FARP1: variants seen among roughly 807,000 people sequenced by gnomAD.
FARP1 encodes the protein FERM, ARHGEF and pleckstrin domain-containing protein 1.
In FARP1, 52 loss-of-function variants were observed where a neutral mutation model predicts 128.8. The observed-to-expected ratio is 0.40, with a 90% CI of 0.32 to 0.51. The LOEUF (loss-of-function observed/expected upper bound fraction) is 0.51. FARP1 is among the 20% of genes least tolerant of loss of function. FARP1 has a pLI of 0.45. For missense variants in FARP1, 1,333 were observed against 1,367.9 expected, an observed-to-expected ratio of 0.97 and a Z score of 0.40; for synonymous variants, 580 against 551.8, an observed-to-expected ratio of 1.05 and a Z score of -0.72.
chr13:98,146,621 T>C (rs1426520959), intron 1 of FARP1, among the ~76,000 whole-genome samples: 3 of 152,244 alleles, frequency 2.0e-5, no homozygotes, highest in Non-Finnish European at 4.4e-5. Context: ...TTAGTGTTTT[T>C]GAGAAATGCA....
intron 2 of FARP1, chr13:98,244,654 C>T: frequency 1.2e-6 from 2 of 1,614,236 alleles, no homozygotes; most frequent in Non-Finnish European, 1.7e-6. Flanking sequence ...ACAAACTGGG[C>T]TGGAAGTAGA....
At chr13:98,431,623 G>A (rs576280080) in intron 18 of FARP1, 114 of 178,388 alleles carry the variant, frequency 6.4e-4, no homozygotes, top group African/African-American at 2.6e-3. Flanking sequence ...CACCACGCCC[G>A]GCTAATTTTT....
chr13:98,212,102 C>G (rs546047201), intron 1 of FARP1, among the ~76,000 whole-genome samples: 17 of 152,338 alleles, frequency 1.1e-4, no homozygotes, highest in African/African-American at 4.1e-4. Context: ...GTCCCCCAGG[C>G]TGGAGTGCAG....
At chr13:98,202,324 T>A (rs1880004784) in intron 1 of FARP1, among the ~76,000 whole-genome samples, 1 of 152,206 alleles carries the variant, frequency 6.6e-6, no homozygotes, top group Non-Finnish European at 1.5e-5. Flanking sequence ...GTCTGACACT[T>A]GATTTTTTGC....
At chr13:98,393,422 A>G (rs762643856) in intron 11 of FARP1, among the ~76,000 whole-genome samples, 16 of 152,198 alleles carry the variant, frequency 1.1e-4, no homozygotes, top group Non-Finnish European at 2.2e-4. Flanking sequence ...AGGGCTTCTG[A>G]GAATTTCTCC....
intron 19 of FARP1, chr13:98,435,943 G>A (rs1273356144): frequency 3.4e-6 from 2 of 589,108 alleles, no homozygotes; most frequent in Non-Finnish European, 6.6e-6. Context: ...GGGGTGATTC[G>A]CTTCTTTACC....
chr13:98,207,116 T>C (rs909385252), intron 1 of FARP1, among the ~76,000 whole-genome samples: 20 of 152,202 alleles, frequency 1.3e-4, no homozygotes, highest in African/African-American at 4.8e-4. Flanking sequence ...CTTAGGATGC[T>C]CAACTCAAAA....
chr13:98,373,233 G>A (rs2139994539), intron 5 of FARP1, among the ~76,000 whole-genome samples: 1 of 152,246 alleles, frequency 6.6e-6, no homozygotes, highest in Admixed American at 6.5e-5. Context: ...GACTGCCCAT[G>A]CGTTTGTCCC....
intron 1 of FARP1, among the ~76,000 whole-genome samples, chr13:98,169,684 C>A (rs1877515465): frequency 6.6e-6 from 1 of 152,204 alleles, no homozygotes; most frequent in Non-Finnish European, 1.5e-5. Context: ...GCTCCGTTGT[C>A]TTCTAACATA....
rs1432268524 is a variant in FARP1, at chr13:98,451,631, TC to T, written c.*3318del. On this transcript the variant is annotated 3_prime_UTR_variant, in exon 27 of 27. Coordinates refer to ENST00000319562, the MANE Select transcript of FARP1 (RefSeq NM_005766.4). Reference sequence around the variant, plus strand: ...TAGACCAGCAGATAGCTGAGCTACATCCCCAAGCTCACCCACTAACTTCCTT... The same window carrying T: ...TAGACCAGCAGATAGCTGAGCTACATCCCAAGCTCACCCACTAACTTCCTT... 1.3e-5 allele frequency: 2 copies of T among 152,260 alleles called. No homozygotes were observed. Among genetic ancestry groups the T allele is most frequent in the African/African-American group, 4.8e-5 (2 of 41,538 alleles). The allele number at this position is 152,260 out of a possible 1,614,324, so 9.4% of individuals were successfully genotyped here. A position where few individuals can be genotyped will look rare whatever the true frequency, so the allele number is the denominator to read the frequency against.
chr13:98,144,340 G>A (rs1471517353), intron 1 of FARP1, among the ~76,000 whole-genome samples: 1 of 152,158 alleles, frequency 6.6e-6, no homozygotes, highest in Non-Finnish European at 1.5e-5. Context: ...AAAGGAGGGA[G>A]CTGAGGCTCA....
Position 98,291,468 on chromosome 13 carries a change from T to G in FARP1, c.172-52294T>G, listed in dbSNP as rs186474492. Among the ~76,000 whole-genome samples the G allele has an allele frequency of 1.4e-3, 212 of 152,240 alleles. 1 individual carries two copies. The highest frequency in any genetic ancestry group is 5.0e-3 in the African/African-American group (207 of 41,534). ...CGTTCAGAGGCCAAATGTATTTGGG[T>G]CTGTGAAACTGGCCTTTGCTTTCCA... On this transcript the variant is annotated intron_variant, in intron 2 of 26. Transcript: ENST00000319562.
chr13:98,197,759 C>G (rs1395531257), intron 1 of FARP1, among the ~76,000 whole-genome samples: 1 of 151,874 alleles, frequency 6.6e-6, no homozygotes, highest in East Asian at 2.0e-4. Flanking sequence ...CTCAGCCTCC[C>G]GAGTAGCTGG....
At chr13:98,174,115 C>G (rs74961544) in intron 1 of FARP1, among the ~76,000 whole-genome samples, 1 of 152,150 alleles carries the variant, frequency 6.6e-6, no homozygotes, top group Non-Finnish European at 1.5e-5. Context: ...GGCCAAAATG[C>G]TAGCAGATTT....
intron 2 of FARP1, among the ~76,000 whole-genome samples, chr13:98,324,014 G>A (rs1887120565): frequency 6.6e-6 from 1 of 152,166 alleles, no homozygotes; most frequent in Non-Finnish European, 1.5e-5. Flanking sequence ...CTATGTCTGA[G>A]GAGTTGCACA....
chr13:98,159,766 C>T (rs1474527321), intron 1 of FARP1, among the ~76,000 whole-genome samples: 2 of 152,098 alleles, frequency 1.3e-5, no homozygotes, highest in South Asian at 2.1e-4. Context: ...CCTCTGCGCC[C>T]AGCCTACTTG....
In FARP1 at chr13:98,176,691, A is replaced by G. The variant is rs1264055028; in HGVS notation, c.-24+33199A>G. ...AATCCCAGCGCACAGTGGCGCGCAG[A>G]TGCCCTGGCGCACGTATGGGGCCCT... On this transcript the variant is annotated intron_variant, in intron 1 of 26. Coordinates refer to ENST00000319562, the MANE Select transcript of FARP1 (RefSeq NM_005766.4). The surrounding 1 kb of genome is among the most constrained non-coding windows in gnomAD (Gnocchi z 6.2). The G allele has an allele frequency of 3.7e-6, 6 of 1,614,210 alleles. 1 individual carries two copies. Among genetic ancestry groups the G allele is most frequent in the Middle Eastern group, 3.3e-4 (2 of 6,062 alleles).
intron 2 of FARP1, among the ~76,000 whole-genome samples, chr13:98,222,540 T>C (rs1247511365): frequency 6.6e-6 from 1 of 152,020 alleles, no homozygotes; most frequent in African/African-American, 2.4e-5. Context: ...ACTTTGTTAA[T>C]GGTCTGGGGC....
At chr13:98,144,874 A>AT (rs1378149198) in intron 1 of FARP1, among the ~76,000 whole-genome samples, 1 of 152,102 alleles carries the variant, frequency 6.6e-6, no homozygotes, top group Non-Finnish European at 1.5e-5. Context: ...TAGGGGGTTT[A>AT]TTCTCAGTCT....
Sources: allele counts gnomAD v4.1 joint callset (sites outside exome capture counted in the v4.1 genomes callset), GRCh38; gene constraint gnomAD v4.1.1; non-coding constraint Gnocchi (gnomAD v3.1); transcripts MANE v1.5; gene names NCBI Gene and HGNC (gene_info 2026-07-23, HGNC 2026-07-21).